The following DNMT3A variants were observed in gnomAD, a reference collection of about 807,000 sequenced individuals.
DNMT3A encodes the protein DNA methyltransferase 3 alpha.
Under a neutral mutation model 117.6 loss-of-function variants are expected in DNMT3A, and 267 were observed. The observed-to-expected ratio is 2.27, with a 90% CI of 2.05 to 2.51. The LOEUF (loss-of-function observed/expected upper bound fraction) is 2.51, where lower values mean the gene tolerates loss of function less well. Ranked by LOEUF, DNMT3A falls within the 30% of genes most tolerant of loss-of-function variation. The pLI, the probability that DNMT3A is intolerant of heterozygous loss-of-function variation, is 0.00. For missense variants in DNMT3A, 1,029 were observed against 1,260.2 expected (o/e 0.82, Z 2.78); for synonymous variants, 432 against 474.8 (o/e 0.91, Z 1.17).
chr2:25,295,058 G>A (rs2033008485), intron 3 of DNMT3A, among the ~76,000 whole-genome samples: 1 of 152,218 alleles, frequency 6.6e-6, no homozygotes, highest in Admixed American at 6.5e-5. Flanking sequence ...CCAGGGCCTT[G>A]TGGGCAAAGG....
intron 13 of DNMT3A, 125 bp downstream of exon 13, chr2:25,245,128 C>T: frequency 1.2e-6 from 1 of 854,468 alleles, no homozygotes; most frequent in Non-Finnish European, 1.9e-6. Flanking sequence ...AGAGGAAGCT[C>T]TGAAGTCTAC....
chr2:25,313,538 G>A (rs2034236296), intron 2 of DNMT3A, among the ~76,000 whole-genome samples: 1 of 152,210 alleles, frequency 6.6e-6, no homozygotes, highest in African/African-American at 2.4e-5. Flanking sequence ...AACAGAGGCA[G>A]CTGAGAGAGA....
intron 6 of DNMT3A, among the ~76,000 whole-genome samples, chr2:25,262,147 G>A (rs1676671418): frequency 7.3e-6 from 1 of 137,382 alleles, no homozygotes; most frequent in Non-Finnish European, 1.5e-5. Flanking sequence ...CTGAGATTGT[G>A]CCACTGCACT....
chr2:25,241,121 A>G (rs1221701411), intron 17 of DNMT3A, among the ~76,000 whole-genome samples: 1 of 152,094 alleles, frequency 6.6e-6, no homozygotes, highest in Non-Finnish European at 1.5e-5. Context: ...TTAAGGGAAG[A>G]CCCTGCCTGA....
At chr2:25,244,107 A>C (rs761636649) in intron 15 of DNMT3A, 48 bp downstream of exon 15, 8 of 1,612,294 alleles carry the variant, frequency 5.0e-6, no homozygotes, top group Non-Finnish European at 6.8e-6. Flanking sequence ...CCCACAACCA[A>C]GGCTCAGCCA....
intron 4 of DNMT3A, among the ~76,000 whole-genome samples, chr2:25,278,778 A>G (rs566168339): frequency 1.8e-4 from 27 of 151,908 alleles, no homozygotes; most frequent in African/African-American, 6.5e-4. Context: ...GTAAGCCAAG[A>G]TTGTGCCACT....
intron 1 of DNMT3A, among the ~76,000 whole-genome samples, chr2:25,325,501 C>G (rs2034752228): frequency 6.6e-6 from 1 of 152,196 alleles, no homozygotes; most frequent in African/African-American, 2.4e-5. Flanking sequence ...GCTGCCAGCT[C>G]CAGAGCCTCT....
Position 25,247,327 on chromosome 2 carries a change from G to C in DNMT3A, c.1015-169C>G, listed in dbSNP as rs1192493054. The stretch of plus-strand genomic sequence containing the variant: ...ATGCAAAGAGGAGTCCAGACCAAGA[G>C]TAGGGAAGTACCTGAGTGCAGGTGG... On this transcript the variant is annotated intron_variant, in intron 8 of 22. Coordinates refer to ENST00000321117, the MANE Select transcript of DNMT3A (RefSeq NM_022552.5). The surrounding 1 kb of genome is among the most constrained non-coding windows in gnomAD (Gnocchi z 5.6). 1.3e-6 allele frequency: 1 copy of C among 783,722 alleles called. No homozygotes were observed. The highest frequency in any genetic ancestry group is 1.7e-5 in the African/African-American group (1 of 57,550). 48.5% of individuals were successfully genotyped at this position (783,722 alleles called of 1,614,324 possible).
Position 25,243,917 on chromosome 2 carries a change from GA to G in DNMT3A, c.1916del (p.Leu639ProfsTer12). 6.4e-7 allele frequency: 1 copy of G among 1,552,050 alleles called. No individual in the cohort carries two copies. Among genetic ancestry groups the G allele is most frequent in the Non-Finnish European group, 8.7e-7 (1 of 1,147,086 alleles). On this transcript the variant is annotated frameshift_variant, in exon 16 of 23. Coordinates refer to ENST00000321117, the MANE Select transcript of DNMT3A (RefSeq NM_022552.5). LOFTEE classifies it high-confidence loss of function. ...EKRKPIRVLS[L>X]FDGIATGLLV... is the part of the protein sequence containing the mutation. ...CCTCACCTGTAGCGATTCCATCAAA[GA>G]GAGACAGCACCCGGATGGGCTTCCT...
intron 14 of DNMT3A, 100 bp from the exon 15 acceptor site, chr2:25,244,438 A>AG: frequency 7.5e-7 from 1 of 1,333,892 alleles, no homozygotes; most frequent in Non-Finnish European, 1.0e-6. Flanking sequence ...GAGCATGGCT[A>AG]GGGGGTGGAG....
chr2:25,260,448 T>C lies in DNMT3A; in HGVS notation c.640-12196A>G, dbSNP rs191696818. Among the ~76,000 whole-genome samples, 157 of 152,308 alleles carry C rather than the reference T, an allele frequency of 1.0e-3. 3 individuals are homozygous for C. The East Asian group carries it at 0.029, about 28-fold the overall frequency. On this transcript the variant is annotated intron_variant, in intron 6 of 22. Coordinates refer to ENST00000321117, the MANE Select transcript of DNMT3A (RefSeq NM_022552.5). ...GAAGTCTAAGAGCATCTTTGGTATATATAAGCAAGCTCACTCAATTTTTGT... is the reference window on the plus strand; with the variant it reads ...GAAGTCTAAGAGCATCTTTGGTATACATAAGCAAGCTCACTCAATTTTTGT...
At chr2:25,264,132 G>GTTTTTTGTTTTTTT (rs2029958809) in intron 6 of DNMT3A, among the ~76,000 whole-genome samples, 1 of 73,740 alleles carries the variant, frequency 1.4e-5, no homozygotes, top group Non-Finnish European at 2.3e-5. Flanking sequence ...CAACCCTTTG[G>GTTTTTTGTTTTTTT]TTTTTTTTTT....
chr2:25,251,949 C>T, intron 6 of DNMT3A: 1 of 497,580 alleles, frequency 2.0e-6, no homozygotes, highest in Non-Finnish European at 3.5e-6. Flanking sequence ...CTTCCTGTCC[C>T]CCGAGGGCGC....
At chr2:25,324,651 G>T (rs945835752) in intron 1 of DNMT3A, among the ~76,000 whole-genome samples, 1 of 152,166 alleles carries the variant, frequency 6.6e-6, no homozygotes, top group African/African-American at 2.4e-5. Context: ...TCAGCTAGGG[G>T]CCAGGAGAAA....
At chr2:25,336,610 G>A (rs2035225919) in intron 1 of DNMT3A, among the ~76,000 whole-genome samples, 1 of 151,936 alleles carries the variant, frequency 6.6e-6, no homozygotes, top group African/African-American at 2.4e-5. Context: ...AGCTCATTTG[G>A]CCCCTTCCCC....
At chr2:25,240,538 A>G (rs1004733345) in intron 18 of DNMT3A, 88 bp from the exon 19 acceptor site, 34 of 1,586,598 alleles carry the variant, frequency 2.1e-5, no homozygotes, top group African/African-American at 2.7e-5. Flanking sequence ...ACGGGAAGAC[A>G]GGGTCATCGG....
intron 6 of DNMT3A, among the ~76,000 whole-genome samples, chr2:25,262,532 T>G (rs1277815866): frequency 6.6e-6 from 1 of 151,856 alleles, no homozygotes; most frequent in Non-Finnish European, 1.5e-5. Flanking sequence ...CCAGACAAAT[T>G]TTTCCCTCCC....
rs998631572 is a variant in DNMT3A, at chr2:25,327,939, C to T, written c.-177-13778G>A. 3.3e-5 allele frequency among the ~76,000 whole-genome samples: 5 copies of T among 152,194 alleles called. No individual in the cohort carries two copies. The highest frequency in any genetic ancestry group is 1.2e-4 in the African/African-American group (5 of 41,436). ...GCAGGTACCTGGTCCTTGGGCTTCT[C>T]TCGTCCCCCTATTCCCTCCAGGCCC... On this transcript the variant is annotated intron_variant, in intron 1 of 22. Transcript: ENST00000321117. This position sits in a 1 kb window ranked among gnomAD's most constrained non-coding sequence, Gnocchi z 4.1.
rs112267740 is a variant in DNMT3A, at chr2:25,237,447, G to A, written c.2409-442C>T. ...TCCACTGGATGAAATTAATCAAACC[G>A]CAAGCCTTAAATGTACTGCTTTAAA... On this transcript the variant is annotated intron_variant, in intron 20 of 22. Coordinates refer to ENST00000321117, the MANE Select transcript of DNMT3A (RefSeq NM_022552.5). This position sits in a 1 kb window ranked among gnomAD's most constrained non-coding sequence, Gnocchi z 5.4. Among the ~76,000 whole-genome samples the A allele has an allele frequency of 1.1e-3, 163 of 152,256 alleles. 1 individual carries two copies. The highest frequency in any genetic ancestry group is 3.7e-3 in the African/African-American group (155 of 41,554).
Sources: allele counts gnomAD v4.1 joint callset (sites outside exome capture counted in the v4.1 genomes callset), GRCh38; gene constraint gnomAD v4.1.1; non-coding constraint Gnocchi (gnomAD v3.1); transcripts MANE v1.5; gene names NCBI Gene and HGNC (gene_info 2026-07-23, HGNC 2026-07-21).